The following HS1BP3 variants were observed in gnomAD, a reference collection of about 807,000 sequenced individuals.
HS1BP3 encodes HCLS1-binding protein 3.
HS1BP3 carries 32 observed loss-of-function variants against 33.5 expected under a neutral mutation model. The observed-to-expected ratio is 0.95, with a 90% CI of 0.72 to 1.28. The LOEUF (loss-of-function observed/expected upper bound fraction) is 1.28. Among genes scored for constraint, HS1BP3 ranks in the 50% most tolerant of loss-of-function variants. The pLI is 0.00. For missense variants in HS1BP3, 486 were observed against 502.3 expected, an observed-to-expected ratio of 0.97 and a Z score of 0.31; for synonymous variants, 187 against 209.2, an observed-to-expected ratio of 0.89 and a Z score of 0.92.
At chr2:20,589,600 C>T (rs1229345794), downstream of HS1BP3, among the ~76,000 whole-genome samples, 2 of 152,216 alleles carry the variant, frequency 1.3e-5, no homozygotes, top group African/African-American at 4.8e-5. Flanking sequence ...AGGAAGTTAG[C>T]TTGTTAGCTC....
intron 5 of HS1BP3, among the ~76,000 whole-genome samples, chr2:20,580,614 G>A (rs963744661): frequency 2.0e-5 from 3 of 152,160 alleles, no homozygotes; most frequent in East Asian, 1.9e-4. Flanking sequence ...AGAATTCACA[G>A]AAAGGGAAAT....
chr2:20,619,061 T>C lies in HS1BP3; in HGVS notation c.1105A>G (p.Met369Val). Reference sequence around the variant, plus strand: ...TACTGCAAGATGTCCATCTCGTCCATGGCTTGGATCTGCTCCTGCGGCTTC... The same window carrying C: ...TACTGCAAGATGTCCATCTCGTCCACGGCTTGGATCTGCTCCTGCGGCTTC... ...QQKPQEQIQA[M>V]DEMDILQYIQ... The change falls in exon 7 of 7, where the codon ATG becomes GTG. Residue 369 changes from methionine (M) to valine (V), a missense_variant. Physicochemically the swap from Met to Val is conservative, Grantham distance 21 (BLOSUM62 1). Coordinates refer to ENST00000304031, the MANE Select transcript of HS1BP3 (RefSeq NM_022460.4). 6.2e-7 allele frequency: 1 copy of C among 1,614,162 alleles called. No homozygotes were observed. Among genetic ancestry groups the C allele is most frequent in the Non-Finnish European group, 8.5e-7 (1 of 1,180,010 alleles).
At chr2:20,584,848 G>A (rs1693641885) in intron 5 of HS1BP3, among the ~76,000 whole-genome samples, 1 of 152,186 alleles carries the variant, frequency 6.6e-6, no homozygotes, top group South Asian at 2.1e-4. Context: ...GAGGGATGAG[G>A]TGGTGACCTC....
chr2:20,616,164 C>T (rs1007894159), downstream of HS1BP3, among the ~76,000 whole-genome samples: 17 of 152,234 alleles, frequency 1.1e-4, no homozygotes, highest in Admixed American at 5.2e-4. Flanking sequence ...CTCTCAGCTG[C>T]AGGCTCCTGG....
intron 5 of HS1BP3, among the ~76,000 whole-genome samples, chr2:20,585,017 C>T (rs1298987788): frequency 6.6e-6 from 1 of 152,196 alleles, no homozygotes; most frequent in Non-Finnish European, 1.5e-5. Context: ...CAGGGCCTCC[C>T]CTGCAGTGAC....
At chr2:20,623,699 C>A in intron 6 of HS1BP3, 197 bp downstream of exon 6, 1 of 542,204 alleles carries the variant, frequency 1.8e-6, no homozygotes. Flanking sequence ...AGCTGAGCAG[C>A]CCTGGGCTGC....
chr2:20,623,737 G>T, intron 6 of HS1BP3, 159 bp downstream of exon 6: 1 of 768,988 alleles, frequency 1.3e-6, no homozygotes, highest in Non-Finnish European at 1.9e-6. Context: ...CCCCTTCACC[G>T]CCTCTCACCC....
chr2:20,587,745 C>CA (rs1473311124), downstream of HS1BP3, among the ~76,000 whole-genome samples: 1 of 151,140 alleles, frequency 6.6e-6, no homozygotes, highest in Non-Finnish European at 1.5e-5. Context: ...GACTCTGTCT[C>CA]AAAAAAATAA....
At chr2:20,589,033 A>T (rs1463253010), downstream of HS1BP3, among the ~76,000 whole-genome samples, 5 of 152,138 alleles carry the variant, frequency 3.3e-5, no homozygotes, top group Admixed American at 3.3e-4. Flanking sequence ...CCCAGCACTG[A>T]TCTCTCCATT....
chr2:20,619,209 T>A lies in HS1BP3; in HGVS notation c.957A>T (p.Gly319=), dbSNP rs1320863488. 1.9e-6 allele frequency: 3 copies of A among 1,612,562 alleles called. No homozygotes were observed. The highest frequency in any genetic ancestry group is 1.7e-6 in the Non-Finnish European group (2 of 1,179,136). The change falls in exon 7 of 7, where the codon GGA becomes GGT. Residue 319 remains glycine, a synonymous_variant. Coordinates refer to ENST00000304031, the MANE Select transcript of HS1BP3 (RefSeq NM_022460.4). ...GCTGGGGCTTGGGTTTGGGCTCAGC[T>A]CCCAGGTTCAGAATCTGGTCCAAGT... The part of the protein sequence containing the change: ...EEDLDQILNL[G]AEPKPKPQLK...
intron 2 of HS1BP3, among the ~76,000 whole-genome samples, chr2:20,599,147 TC>T (rs2149282122): frequency 6.6e-6 from 1 of 152,320 alleles, no homozygotes; most frequent in Non-Finnish European, 1.5e-5. Flanking sequence ...CTTTTCAGAC[TC>T]CCGGCAACCA....
chr2:20,564,537 G>A (rs1398102169), intron 5 of HS1BP3, among the ~76,000 whole-genome samples: 2 of 152,156 alleles, frequency 1.3e-5, no homozygotes, highest in South Asian at 2.1e-4. Context: ...AGGCTGGAGT[G>A]CAGTGGTATG....
intron 4 of HS1BP3, among the ~76,000 whole-genome samples, chr2:20,627,906 C>A (rs912454180): frequency 6.6e-6 from 1 of 152,072 alleles, no homozygotes; most frequent in African/African-American, 2.4e-5. Context: ...AGAGGATGCG[C>A]GATGGATGGA....
At chr2:20,569,648 C>T (rs187777207) in intron 5 of HS1BP3, among the ~76,000 whole-genome samples, 40 of 152,356 alleles carry the variant, frequency 2.6e-4, no homozygotes, top group Admixed American at 5.2e-4. Flanking sequence ...ATGCCTCTCT[C>T]GGTCACCAGC....
intron 3 of HS1BP3, among the ~76,000 whole-genome samples, chr2:20,594,319 G>A (rs7595132): frequency 0.12 from 18,181 of 152,296 alleles, 1,154 homozygotes; most frequent in African/African-American, 0.17. Flanking sequence ...GTCTATGGAT[G>A]CCTGATGATA....
intron 5 of HS1BP3, among the ~76,000 whole-genome samples, chr2:20,572,555 T>C (rs1031120192): frequency 2.0e-5 from 3 of 150,804 alleles, no homozygotes; most frequent in African/African-American, 7.3e-5. Context: ...AACTGTGAGA[T>C]CTCGGTCAGG....
At chr2:20,642,005 G>T (rs1469812995) in intron 2 of HS1BP3, among the ~76,000 whole-genome samples, 1 of 152,236 alleles carries the variant, frequency 6.6e-6, no homozygotes, top group South Asian at 2.1e-4. Context: ...GTCACCTGCT[G>T]TATACACACA....
intron 5 of HS1BP3, among the ~76,000 whole-genome samples, chr2:20,566,911 A>G (rs928203231): frequency 4.6e-5 from 7 of 152,002 alleles, no homozygotes; most frequent in African/African-American, 1.7e-4. Context: ...CTGGCCCCCC[A>G]CAGGTTCTCT....
In HS1BP3 at chr2:20,618,784, C is replaced by T. The variant is rs990825239; in HGVS notation, c.*203G>A. The T allele has an allele frequency of 6.2e-5, 86 of 1,397,380 alleles. 1 individual carries two copies. The highest frequency in any genetic ancestry group is 3.7e-4 in the Middle Eastern group (2 of 5,414). 86.6% of individuals were successfully genotyped at this position (1,397,380 alleles called of 1,614,324 possible). A position where few individuals can be genotyped will look rare whatever the true frequency, so the allele number is the denominator to read the frequency against. ...GGGCTCTGGCTCCTAGGGTGAGAGC[C>T]GCTCCCGCAGCCCGCAGGCTTCTAC... On this transcript the variant is annotated 3_prime_UTR_variant, in exon 7 of 7. Coordinates refer to ENST00000304031, the MANE Select transcript of HS1BP3 (RefSeq NM_022460.4).
Sources: gnomAD v4.1 joint callset for allele counts (sites outside exome capture counted in the v4.1 genomes callset) on GRCh38, gnomAD v4.1.1 for gene constraint, MANE v1.5 for transcripts, NCBI Gene and HGNC (gene_info 2026-07-23, HGNC 2026-07-21) for gene names.